Variants in PCDHA1 observed in about 807,000 individuals in gnomAD.
PCDHA1 encodes protocadherin alpha 1.
Under a neutral mutation model 61.3 loss-of-function variants are expected in PCDHA1, and 42 were observed. That is an observed-to-expected ratio of 0.69 (90% CI 0.54 to 0.89). The LOEUF (loss-of-function observed/expected upper bound fraction) is 0.89, where lower values mean the gene tolerates loss of function less well. PCDHA1 is among the 40% of genes least tolerant of loss of function. The pLI is 0.00. For synonymous variants in PCDHA1, 610 were observed against 553.8 expected (o/e 1.10, Z -1.43); for missense variants, 1,256 against 1,235.3 (o/e 1.02, Z -0.25).
In PCDHA1 at chr5:141,010,358, C is replaced by G; in HGVS notation, c.*421C>G. 1 of 1,488,620 alleles carries G rather than the reference C, an allele frequency of 6.7e-7. No homozygotes were observed. The highest frequency in any genetic ancestry group is 1.3e-5 in the South Asian group (1 of 76,158). 92.2% of individuals were successfully genotyped at this position (1,488,620 alleles called of 1,614,324 possible). On this transcript the variant is annotated 3_prime_UTR_variant, in exon 4 of 4. Transcript: ENST00000504120. ...GTGGCCACTGGGTATGTGTGGCTAC[C>G]GCGGGTATGCGAGTGCCAGATATTG...
At chr5:140,850,051 C>A in intron 1 of PCDHA1, 1 of 1,596,418 alleles carries the variant, frequency 6.3e-7, no homozygotes, top group Non-Finnish European at 8.6e-7. Flanking sequence ...AAGGTGTACG[C>A]GCTGCAGCCG....
At chr5:140,947,362 C>T (rs1378703066) in intron 1 of PCDHA1, among the ~76,000 whole-genome samples, 2 of 151,632 alleles carry the variant, frequency 1.3e-5, no homozygotes, top group Admixed American at 6.6e-5. Context: ...TATTTCACTC[C>T]TTTGATCTAT....
intron 3 of PCDHA1, among the ~76,000 whole-genome samples, chr5:140,993,307 A>G (rs1388803376): frequency 6.6e-6 from 1 of 152,056 alleles, no homozygotes; most frequent in Non-Finnish European, 1.5e-5. Flanking sequence ...TGCCTCCAGG[A>G]TAATACCTTC....
intron 1 of PCDHA1, among the ~76,000 whole-genome samples, chr5:140,896,499 A>G (rs1029698205): frequency 6.6e-6 from 1 of 150,502 alleles, no homozygotes; most frequent in African/African-American, 2.4e-5. Flanking sequence ...AGTAGCTGGG[A>G]CTGTGCAGGC....
At chr5:140,796,257 C>G in intron 1 of PCDHA1, 4 of 1,614,100 alleles carry the variant, frequency 2.5e-6, no homozygotes, top group African/African-American at 1.3e-5. Context: ...GGGACGGGGG[C>G]TCGCCTTCAC....
rs2150341086 is a variant in PCDHA1 at position 140,842,645 on chromosome 5, T to C, written c.2394+53961T>C. ...TTCGCTGTGGGCCACCGCCAGCTTG[T>C]CTGTGGAGGTGGCCGACGTGAACGA... On this transcript the variant is annotated intron_variant, in intron 1 of 3. Transcript: ENST00000504120. 5 of 1,595,026 alleles carry C rather than the reference T, an allele frequency of 3.1e-6. No individual in the cohort carries two copies. In the Admixed American group the frequency reaches 6.8e-5, roughly 22 times the overall value.
At chr5:140,962,770 G>A (rs1387109570) in intron 1 of PCDHA1, among the ~76,000 whole-genome samples, 1 of 152,164 alleles carries the variant, frequency 6.6e-6, no homozygotes, top group Admixed American at 6.5e-5. Flanking sequence ...TTTTTAACAA[G>A]ATGGAATTTT....
intron 1 of PCDHA1, among the ~76,000 whole-genome samples, chr5:140,952,443 C>T (rs1264311770): frequency 6.6e-6 from 1 of 152,128 alleles, no homozygotes; most frequent in East Asian, 1.9e-4. Flanking sequence ...AGGCATAATA[C>T]AGCCAGGCTC....
In PCDHA1 at chr5:140,882,891, A is replaced by T. The variant is rs782750187; in HGVS notation, c.2394+94207A>T. 1 of 1,614,230 alleles carries T rather than the reference A, an allele frequency of 6.2e-7. No individual in the cohort carries two copies. The highest frequency in any genetic ancestry group is 8.5e-7 in the Non-Finnish European group (1 of 1,180,042). On this transcript the variant is annotated intron_variant, in intron 1 of 3. Transcript: ENST00000504120. ...CTGGACAGAGAGGAAATTCAGGAAC[A>T]TAGTTTATTACTGACAGCCAGTGAT...
Position 140,850,689 on chromosome 5 carries a change from T to G in PCDHA1, c.2394+62005T>G, listed in dbSNP as rs1554144776. On this transcript the variant is annotated intron_variant, in intron 1 of 3. Coordinates refer to ENST00000504120, the MANE Select transcript of PCDHA1 (RefSeq NM_018900.4). ...CTCGGCGATGCCCACCGAGGGCGAG[T>G]GCGCGCCTGGCAAGCCGACGCTGGT... The G allele has an allele frequency of 2.5e-6, 4 of 1,594,816 alleles. No individual in the cohort carries two copies. In the South Asian group the frequency reaches 3.3e-5, roughly 13 times the overall value.
rs140457638 is a variant in PCDHA1, at chr5:140,883,730, G to T, written c.2394+95046G>T. On this transcript the variant is annotated intron_variant, in intron 1 of 3. Coordinates refer to ENST00000504120, the MANE Select transcript of PCDHA1 (RefSeq NM_018900.4). ...TCAGGACGCGGACGCACAGGAGAAC[G>T]CGCTGGTCTCCTACTCGCTGGTGGA... 4.3e-6 allele frequency: 7 copies of T among 1,613,530 alleles called. No homozygotes were observed. The East Asian group carries it at 1.6e-4, about 36-fold the overall frequency.
At chr5:140,856,776 G>A in intron 1 of PCDHA1, 1 of 1,596,678 alleles carries the variant, frequency 6.3e-7, no homozygotes, top group Non-Finnish European at 8.6e-7. Context: ...ATCTTTGACA[G>A]ACCGGTTTAT....
intron 1 of PCDHA1, chr5:140,823,946 C>A: frequency 6.2e-7 from 1 of 1,613,970 alleles, no homozygotes; most frequent in Non-Finnish European, 8.5e-7. Flanking sequence ...CGGTGCTCGG[C>A]GCAGCCCACC....
chr5:140,919,957 G>GC (rs2079372992), intron 1 of PCDHA1, among the ~76,000 whole-genome samples: 1 of 148,640 alleles, frequency 6.7e-6, no homozygotes, highest in Non-Finnish European at 1.5e-5. Flanking sequence ...AGTTTGTTTT[G>GC]TTTTTTAAAT....
intron 1 of PCDHA1, chr5:140,850,145 G>T: frequency 1.3e-6 from 2 of 1,595,560 alleles, no homozygotes; most frequent in South Asian, 1.1e-5. Context: ...GCAACGTGAC[G>T]CTGCAGGTGT....
At chr5:140,886,555 C>T (rs1441725788) in intron 1 of PCDHA1, among the ~76,000 whole-genome samples, 3 of 151,830 alleles carry the variant, frequency 2.0e-5, no homozygotes, top group Non-Finnish European at 4.4e-5. Context: ...CAGCTGGGCA[C>T]GGTGGCTCAC....
At chr5:140,898,306 G>A (rs192633483) in intron 1 of PCDHA1, among the ~76,000 whole-genome samples, 25 of 152,228 alleles carry the variant, frequency 1.6e-4, no homozygotes, top group Non-Finnish European at 3.1e-4. Flanking sequence ...TTTCTTCTAG[G>A]GTTTTTATGG....
chr5:140,862,256 A>C (rs2047276539), intron 1 of PCDHA1: 1 of 223,718 alleles, frequency 4.5e-6, no homozygotes, highest in Non-Finnish European at 8.9e-6. Context: ...TTCCAGAGTT[A>C]GCAGTAAGTC....
chr5:140,809,412 C>A (rs1428831386), intron 1 of PCDHA1: 20 of 1,614,092 alleles, frequency 1.2e-5, no homozygotes, highest in Non-Finnish European at 1.7e-5. Context: ...CTGGTGTGCT[C>A]CAGTGCGGTG....
Sources: allele counts gnomAD v4.1 joint callset (sites outside exome capture counted in the v4.1 genomes callset), GRCh38; gene constraint gnomAD v4.1.1; transcripts MANE v1.5; gene names NCBI Gene and HGNC (gene_info 2026-07-23, HGNC 2026-07-21).